The following CRKL variants were observed in gnomAD, a reference collection of about 807,000 sequenced individuals.
CRKL encodes crk-like protein.
In CRKL, 3 loss-of-function variants were observed where a neutral mutation model predicts 23.0. The ratio of observed to expected loss-of-function variants is 0.13; its 90% CI spans 0.06 to 0.34. The LOEUF (loss-of-function observed/expected upper bound fraction) is 0.34. Ranked by LOEUF, CRKL falls within the 10% of genes least tolerant of loss-of-function variation. The pLI, the probability that CRKL is intolerant of heterozygous loss-of-function variation, is 1.00. For missense variants in CRKL, 256 were observed against 394.5 expected (o/e 0.65, Z 2.97); for synonymous variants, 188 against 160.7 (o/e 1.17, Z -1.28).
chr22:20,925,466 G>A (rs1022464912), intron 1 of CRKL, among the ~76,000 whole-genome samples: 1 of 152,218 alleles, frequency 6.6e-6, no homozygotes, highest in Non-Finnish European at 1.5e-5. Context: ...CCGAGATTGC[G>A]CCAGCGCCAC....
intron 1 of CRKL, among the ~76,000 whole-genome samples, chr22:20,930,046 T>C (rs1460654915): frequency 6.6e-6 from 1 of 152,184 alleles, no homozygotes; most frequent in Non-Finnish European, 1.5e-5. Flanking sequence ...TGAGATTGAT[T>C]TGGTGTCAAA....
intron 2 of CRKL, among the ~76,000 whole-genome samples, chr22:20,944,731 T>C (rs1921994314): frequency 6.6e-6 from 1 of 151,904 alleles, no homozygotes; most frequent in African/African-American, 2.4e-5. Flanking sequence ...TTAGATGCTA[T>C]TGTAAATGGA....
At position 20,951,923 on chromosome 22, in the gene CRKL, G is replaced by A. The variant is rs1037129479; in HGVS notation, c.*2078G>A. 4 of 222,646 alleles carry A rather than the reference G, an allele frequency of 1.8e-5. No homozygotes were observed. Among genetic ancestry groups the A allele is most frequent in the Non-Finnish European group, 3.6e-5 (4 of 111,528 alleles). The allele number at this position is 222,646 out of a possible 1,614,324, so 13.8% of individuals were successfully genotyped here. A position where few individuals can be genotyped will look rare whatever the true frequency, so the allele number is the denominator to read the frequency against. ...ACGGTGACCGCCTCCTGCTCTGCAC[G>A]GTCTGCGGCAGTTGCCGCTTCTGGT... is the stretch of plus-strand genomic sequence containing the variant. On this transcript the variant is annotated 3_prime_UTR_variant, in exon 3 of 3. Coordinates refer to ENST00000354336, the MANE Select transcript of CRKL (RefSeq NM_005207.4).
In CRKL at chr22:20,918,370, C is replaced by T. The variant is rs150952416; in HGVS notation, c.311+125C>T. The T allele has an allele frequency of 3.9e-4, 431 of 1,095,820 alleles. 2 individuals carry two copies. The African/African-American group carries it at 6.3e-3, about 16-fold the overall frequency. The allele number at this position is 1,095,820 out of a possible 1,614,324, so 67.9% of individuals were successfully genotyped here. A position where few individuals can be genotyped will look rare whatever the true frequency, so the allele number is the denominator to read the frequency against. The stretch of plus-strand genomic sequence containing the variant: ...CCGCATTCTGAACCAAATTATTTTC[C>T]AGAAGGCCTTCCTAACAGAAAGCTA... On this transcript the variant is annotated intron_variant, in intron 1 of 2. Coordinates refer to ENST00000354336, the MANE Select transcript of CRKL (RefSeq NM_005207.4).
At chr22:20,935,550 G>A (rs1350258763) in intron 2 of CRKL, among the ~76,000 whole-genome samples, 3 of 137,872 alleles carry the variant, frequency 2.2e-5, no homozygotes, top group Non-Finnish European at 4.6e-5. Flanking sequence ...ACAGAGTCTC[G>A]CTCTATTGCC....
At chr22:20,921,097 T>C (rs1389424068) in intron 1 of CRKL, among the ~76,000 whole-genome samples, 2 of 152,236 alleles carry the variant, frequency 1.3e-5, no homozygotes, top group African/African-American at 4.8e-5. Context: ...TAGTGACTAC[T>C]AGAGCCTGGG....
chr22:20,952,792 C>T lies in CRKL; in HGVS notation c.*2947C>T, dbSNP rs866380281. 8.6e-5 allele frequency: 20 copies of T among 231,906 alleles called. 1 individual carries two copies. The highest frequency in any genetic ancestry group is 2.9e-4 in the African/African-American group (13 of 45,376). The allele number at this position is 231,906 out of a possible 1,614,324, so 14.4% of individuals were successfully genotyped here. On this transcript the variant is annotated 3_prime_UTR_variant, in exon 3 of 3. Transcript: ENST00000354336. ...TGACTGGTTAAAAACTTGTGTATCC[C>T]GGGAAGGACCTGCGGTACAGGAGTC...
At chr22:20,935,728 G>C (rs918372749) in intron 2 of CRKL, among the ~76,000 whole-genome samples, 1 of 151,922 alleles carries the variant, frequency 6.6e-6, no homozygotes, top group African/African-American at 2.4e-5. Flanking sequence ...GTTTCACCAT[G>C]TTGGCCAGGC....
At chr22:20,931,072 A>G (rs1457694723) in intron 1 of CRKL, among the ~76,000 whole-genome samples, 1 of 152,038 alleles carries the variant, frequency 6.6e-6, no homozygotes, top group Non-Finnish European at 1.5e-5. Context: ...TGAAATTTAT[A>G]TGGTACTTAC....
At chr22:20,947,645 C>G (rs1210747827) in intron 2 of CRKL, among the ~76,000 whole-genome samples, 8 of 74,446 alleles carry the variant, frequency 1.1e-4, no homozygotes, top group Non-Finnish European at 2.0e-4. Context: ...TAGGCTTTTT[C>G]TTTTCTTTTC....
At chr22:20,944,519 C>G (rs1013989537) in intron 2 of CRKL, among the ~76,000 whole-genome samples, 1 of 152,232 alleles carries the variant, frequency 6.6e-6, no homozygotes, top group South Asian at 2.1e-4. Flanking sequence ...ATTCTCCTGC[C>G]TCAGCCTCCC....
In CRKL at chr22:20,918,000, G is replaced by A. The variant is rs763322278; in HGVS notation, c.66G>A (p.Gln22=). The A allele has an allele frequency of 1.9e-6, 3 of 1,614,228 alleles. No individual in the cohort carries two copies. The highest frequency in any genetic ancestry group is 4.5e-5 in the East Asian group (2 of 44,884). ...GGTATATGGGGCCGGTGTCTCGCCA[G>A]GAGGCGCAGACCCGGCTCCAGGGCC... ...SAWYMGPVSR[Q]EAQTRLQGQR... The change falls in exon 1 of 3, where the codon CAG becomes CAA. Residue 22 remains glutamine (Q), a synonymous_variant. Coordinates refer to ENST00000354336, the MANE Select transcript of CRKL (RefSeq NM_005207.4).
Position 20,933,814 on chromosome 22 carries a change from C to T in CRKL, c.347C>T (p.Pro116Leu), listed in dbSNP as rs2147904547. 3 of 1,614,050 alleles carry T rather than the reference C, an allele frequency of 1.9e-6. No individual in the cohort carries two copies. Among genetic ancestry groups the T allele is most frequent in the Non-Finnish European group, 2.5e-6 (3 of 1,179,974 alleles). The change falls in exon 2 of 3, where the codon CCC becomes CTC. Residue 116 changes from proline (P) to leucine (L), a missense_variant. Coordinates refer to ENST00000354336, the MANE Select transcript of CRKL (RefSeq NM_005207.4). ...PSPPMGSVSAPNLPTAEDNLE... is the reference protein window; with the variant it reads ...PSPPMGSVSALNLPTAEDNLE... Reference sequence around the variant, plus strand: ...CCACCAATGGGATCTGTCTCAGCACCCAACCTGCCTACAGCAGAAGATAAC... The same window carrying T: ...CCACCAATGGGATCTGTCTCAGCACTCAACCTGCCTACAGCAGAAGATAAC...
chr22:20,946,590 GTT>G lies in CRKL; in HGVS notation c.778-3119_778-3118del, dbSNP rs374873006. 6.1e-4 allele frequency among the ~76,000 whole-genome samples: 93 copies of G among 152,234 alleles called. 1 individual carries two copies. The highest frequency in any genetic ancestry group is 2.2e-3 in the African/African-American group (90 of 41,520). ...AGGTCAGCCACATCTCCCAGGTGTAGTTTGCCCCGTGAACTGAGTTGGTATCT... is the reference window on the plus strand; with the variant it reads ...AGGTCAGCCACATCTCCCAGGTGTAGTGCCCCGTGAACTGAGTTGGTATCT... On this transcript the variant is annotated intron_variant, in intron 2 of 2. Transcript: ENST00000354336.
chr22:20,925,691 A>G (rs1921175539), intron 1 of CRKL, among the ~76,000 whole-genome samples: 1 of 152,230 alleles, frequency 6.6e-6, no homozygotes, highest in African/African-American at 2.4e-5. Context: ...GAACGTGACA[A>G]GAACAGTGGA....
chr22:20,923,138 C>G (rs1214729740), intron 1 of CRKL, among the ~76,000 whole-genome samples: 2 of 152,020 alleles, frequency 1.3e-5, no homozygotes. Flanking sequence ...CCATTAAAAA[C>G]TAAAGGAAGT....
chr22:20,918,502 T>C (rs527438625), intron 1 of CRKL, among the ~76,000 whole-genome samples: 2 of 152,196 alleles, frequency 1.3e-5, no homozygotes, highest in East Asian at 3.9e-4. Flanking sequence ...TTAACGGTGG[T>C]TGCATAGTTA....
At position 20,933,852 on chromosome 22, in the gene CRKL, C is replaced by G. The variant is rs2147904689; in HGVS notation, c.385C>G (p.Arg129Gly). ...AGCAGAAGATAACCTGGAATATGTA[C>G]GGACTCTGTATGATTTTCCTGGGAA... ...PTAEDNLEYV[R>G]TLYDFPGNDA... The change falls in exon 2 of 3, where the codon CGG becomes GGG. Residue 129 changes from arginine (R) to glycine (G), a missense_variant. Transcript: ENST00000354336. 1 of 1,614,112 alleles carries G rather than the reference C, an allele frequency of 6.2e-7. No homozygotes were observed.
chr22:20,951,742 T>G lies in CRKL; in HGVS notation c.*1897T>G. On this transcript the variant is annotated 3_prime_UTR_variant, in exon 3 of 3. Transcript: ENST00000354336. ...AGCCATTTTTCAATTTTTCTTTAAATCAGTATTCCATCAGGCAGATAACTG... is the reference window on the plus strand; with the variant it reads ...AGCCATTTTTCAATTTTTCTTTAAAGCAGTATTCCATCAGGCAGATAACTG... The G allele has an allele frequency of 4.5e-6, 1 of 222,080 alleles. No individual in the cohort carries two copies. The highest frequency in any genetic ancestry group is 6.6e-5 in the East Asian group (1 of 15,222). The allele number at this position is 222,080 out of a possible 1,614,324, so 13.8% of individuals were successfully genotyped here. A position where few individuals can be genotyped will look rare whatever the true frequency, so the allele number is the denominator to read the frequency against.
Sources: gnomAD v4.1 joint callset for allele counts (sites outside exome capture counted in the v4.1 genomes callset) on GRCh38, gnomAD v4.1.1 for gene constraint, MANE v1.5 for transcripts, NCBI Gene and HGNC (gene_info 2026-07-23, HGNC 2026-07-21) for gene names.